MOB3B: variants seen among roughly 807,000 people sequenced by gnomAD.
MOB3B encodes the protein MOB kinase activator-like 2B.
MOB3B carries 7 observed loss-of-function variants against 18.7 expected under a neutral mutation model. The observed-to-expected ratio is 0.37, with a 90% CI of 0.21 to 0.70. The LOEUF (loss-of-function observed/expected upper bound fraction) is 0.70, where lower values mean the gene tolerates loss of function less well. MOB3B is among the 30% of genes least tolerant of loss of function. The pLI, the probability that MOB3B is intolerant of heterozygous loss-of-function variation, is 0.52. For synonymous variants in MOB3B, 111 were observed against 99.9 expected (o/e 1.11, Z -0.66); for missense variants, 253 against 281.3 (o/e 0.90, Z 0.72).
chr9:27,413,995 C>G (rs1822111365), intron 2 of MOB3B, among the ~76,000 whole-genome samples: 1 of 152,232 alleles, frequency 6.6e-6, no homozygotes, highest in Non-Finnish European at 1.5e-5. Context: ...TAAAAACTGA[C>G]ATATGTGTTG....
intron 3 of MOB3B, among the ~76,000 whole-genome samples, chr9:27,339,353 T>A (rs777432598): frequency 2.0e-5 from 3 of 152,198 alleles, no homozygotes; most frequent in Non-Finnish European, 4.4e-5. Flanking sequence ...CCACCCCAAA[T>A]TTATTTTGGA....
intron 3 of MOB3B, among the ~76,000 whole-genome samples, chr9:27,358,530 C>T (rs1821226460): frequency 6.6e-6 from 1 of 152,196 alleles, no homozygotes; most frequent in Non-Finnish European, 1.5e-5. Context: ...CCCTATGAGA[C>T]TGTATCCTTA....
intron 1 of MOB3B, among the ~76,000 whole-genome samples, chr9:27,519,546 A>T (rs892340313): frequency 2.6e-5 from 4 of 152,198 alleles, no homozygotes; most frequent in African/African-American, 9.7e-5. Context: ...AGAGAAAGCA[A>T]ACAAGCCAGT....
chr9:27,340,540 T>C (rs771313346), intron 3 of MOB3B, among the ~76,000 whole-genome samples: 1 of 152,208 alleles, frequency 6.6e-6, no homozygotes, highest in Non-Finnish European at 1.5e-5. Flanking sequence ...TTGTGGTCAC[T>C]GTATCTCTGC....
intron 1 of MOB3B, among the ~76,000 whole-genome samples, chr9:27,480,456 T>C (rs776247609): frequency 1.3e-5 from 2 of 152,152 alleles, no homozygotes; most frequent in Admixed American, 6.6e-5. Context: ...CCCGCCACCA[T>C]GCTCGGCTAA....
intron 3 of MOB3B, among the ~76,000 whole-genome samples, chr9:27,356,399 T>G (rs1013325992): frequency 6.6e-6 from 1 of 152,200 alleles, no homozygotes; most frequent in African/African-American, 2.4e-5. Flanking sequence ...GATATTGACA[T>G]GTTTGAGGCC....
At chr9:27,527,390 C>T (rs1403612533) in intron 1 of MOB3B, among the ~76,000 whole-genome samples, 3 of 152,086 alleles carry the variant, frequency 2.0e-5, no homozygotes, top group Non-Finnish European at 4.4e-5. Flanking sequence ...CTGGTTCCAC[C>T]GTTGGGAAGG....
chr9:27,455,690 CTA>C lies in MOB3B; in HGVS notation c.-142_-141del. 3 of 1,500,066 alleles carry C rather than the reference CTA, an allele frequency of 2.0e-6. No individual in the cohort carries two copies. The highest frequency in any genetic ancestry group is 2.6e-6 in the Non-Finnish European group (3 of 1,136,210). The allele number at this position is 1,500,066 out of a possible 1,614,324, so 92.9% of individuals were successfully genotyped here. ...TACAGCCTGTAGCTTTTAAGCTCTT[CTA>C]AACAGCCCCTTCCATCTTCCTCTTG... On this transcript the variant is annotated 5_prime_UTR_variant, in exon 2 of 4. The change abolishes the stop of an existing upstream ORF in the 5' untranslated region. Coordinates refer to ENST00000262244, the MANE Select transcript of MOB3B (RefSeq NM_024761.5).
intron 2 of MOB3B, among the ~76,000 whole-genome samples, chr9:27,432,092 C>A (rs1343421539): frequency 2.0e-5 from 3 of 152,154 alleles, no homozygotes; most frequent in Non-Finnish European, 4.4e-5. Context: ...CAGAAACTTG[C>A]ACTGCTAAAT....
In MOB3B at chr9:27,517,211, G is replaced by C. The variant is rs564725365; in HGVS notation, c.-199+12344C>G. Among the ~76,000 whole-genome samples the C allele has an allele frequency of 1.2e-4, 19 of 152,190 alleles. No homozygotes were observed. In the South Asian group the frequency reaches 3.7e-3, roughly 30 times the overall value. ...TAAGACTGGGTATCACTGCCTCCAG[G>C]AACCTCTGCAAGGGACTGTATTTGT... On this transcript the variant is annotated intron_variant, in intron 1 of 3. Transcript: ENST00000262244.
intron 2 of MOB3B, among the ~76,000 whole-genome samples, chr9:27,372,462 T>C (rs1356222281): frequency 1.3e-5 from 2 of 152,210 alleles, no homozygotes; most frequent in African/African-American, 4.8e-5. Flanking sequence ...GCGTGGGCTA[T>C]GCTTGGTGAG....
At chr9:27,346,164 G>A (rs941446862) in intron 3 of MOB3B, among the ~76,000 whole-genome samples, 1 of 152,158 alleles carries the variant, frequency 6.6e-6, no homozygotes, top group African/African-American at 2.4e-5. Context: ...GCAGTGAGAA[G>A]GCACCATCTT....
At chr9:27,385,460 G>C (rs1026276776) in intron 2 of MOB3B, among the ~76,000 whole-genome samples, 5 of 152,120 alleles carry the variant, frequency 3.3e-5, no homozygotes, top group Admixed American at 1.3e-4. Context: ...AGGGGCCTTG[G>C]TGAGGTGTCA....
Position 27,359,078 on chromosome 9 carries a change from C to A in MOB3B, c.577G>T (p.Val193Phe). The A allele has an allele frequency of 6.2e-7, 1 of 1,614,106 alleles. No homozygotes were observed. The highest frequency in any genetic ancestry group is 1.1e-5 in the South Asian group (1 of 91,084). ...CGGTCTATGAGGTTCATCTCTGTGA[C>A]AAAGTAATAGAAGTGTTTGTAGCAG... ...NTCYKHFYYF[V>F]TEMNLIDRKE... The change falls in exon 3 of 4, where the codon GTC (valine) becomes TTC (phenylalanine). Residue 193 changes from valine to phenylalanine, a missense_variant. Physicochemically the swap from Val to Phe is conservative, Grantham distance 50. Transcript: ENST00000262244.
At chr9:27,512,197 A>T (rs1250753885) in intron 1 of MOB3B, among the ~76,000 whole-genome samples, 2 of 152,124 alleles carry the variant, frequency 1.3e-5, no homozygotes, top group Non-Finnish European at 2.9e-5. Context: ...CAGCTCAAGT[A>T]CCCTGGTTTT....
chr9:27,425,306 C>T (rs1369870765), intron 2 of MOB3B, among the ~76,000 whole-genome samples: 57 of 148,636 alleles, frequency 3.8e-4, no homozygotes, highest in South Asian at 2.2e-4. Flanking sequence ...ACCCAGGAGG[C>T]GGAGGTTGCG....
intron 1 of MOB3B, among the ~76,000 whole-genome samples, chr9:27,526,676 A>G (rs533284786): frequency 2.0e-5 from 3 of 152,232 alleles, no homozygotes; most frequent in African/African-American, 7.2e-5. Flanking sequence ...TAAAGATCAC[A>G]TCTAATCAAA....
At chr9:27,466,596 G>GA (rs1455973676) in intron 1 of MOB3B, among the ~76,000 whole-genome samples, 1 of 152,044 alleles carries the variant, frequency 6.6e-6, no homozygotes, top group Non-Finnish European at 1.5e-5. Context: ...AAACTGGGAA[G>GA]AAAAAAGGGG....
rs1480947743 is a variant in MOB3B at position 27,329,496 on chromosome 9, C to G, written c.*1091G>C. Reference sequence around the variant, plus strand: ...AAATTAATTTTGTGCCGTAACATAACGTGGCAGAGGAGTGGGGAGCGTGGA... The same window carrying G: ...AAATTAATTTTGTGCCGTAACATAAGGTGGCAGAGGAGTGGGGAGCGTGGA... On this transcript the variant is annotated 3_prime_UTR_variant, in exon 4 of 4. Coordinates refer to ENST00000262244, the MANE Select transcript of MOB3B (RefSeq NM_024761.5). The G allele has an allele frequency of 2.0e-5, 3 of 152,260 alleles. No individual in the cohort carries two copies. The highest frequency in any genetic ancestry group is 2.9e-5 in the Non-Finnish European group (2 of 68,034). 9.4% of individuals were successfully genotyped at this position (152,260 alleles called of 1,614,324 possible). A position where few individuals can be genotyped will look rare whatever the true frequency, so the allele number is the denominator to read the frequency against.
Sources: allele counts gnomAD v4.1 joint callset (sites outside exome capture counted in the v4.1 genomes callset), GRCh38; gene constraint gnomAD v4.1.1; transcripts MANE v1.5; gene names NCBI Gene and HGNC (gene_info 2026-07-23, HGNC 2026-07-21).